The following ABCA12 variants were observed in gnomAD, a reference collection of about 807,000 sequenced individuals.
ABCA12 encodes the protein glucosylceramide transporter ABCA12.
A neutral mutation model predicts 293.5 loss-of-function variants in ABCA12; 156 were observed. That is an observed-to-expected ratio of 0.53 (90% CI 0.47 to 0.61). ABCA12 has a LOEUF of 0.61. Among genes scored for constraint, ABCA12 ranks in the 20% least tolerant of loss-of-function variants. The pLI is 0.00. For synonymous variants in ABCA12, 1,063 were observed against 1,108.0 expected (o/e 0.96, Z 0.81); for missense variants, 2,797 against 3,090.2 (o/e 0.91, Z 2.25).
intron 32 of ABCA12, 40 bp from the exon 33 acceptor site, chr2:214,978,506 T>C: frequency 6.2e-7 from 1 of 1,601,284 alleles, no homozygotes; most frequent in Non-Finnish European, 8.5e-7. Context: ...ACATGAAAAG[T>C]GCATGTCTTT....
chr2:214,980,388 T>C, intron 31 of ABCA12, 95 bp downstream of exon 31: 1 of 1,517,394 alleles, frequency 6.6e-7, no homozygotes. Flanking sequence ...ACTAATGAAT[T>C]TTAGCAATGA....
In ABCA12 at chr2:214,958,377, G is replaced by A; in HGVS notation, c.6017C>T (p.Thr2006Ile). The A allele has an allele frequency of 1.9e-6, 3 of 1,614,020 alleles. No individual in the cohort carries two copies. ...GYSVTTASFVTYVVREHQTKA... is the reference protein window; with the variant it reads ...GYSVTTASFVIYVVREHQTKA... Reference sequence around the variant, plus strand: ...GGTTTGATGTTCCCTTACAACATAGGTGACAAAGCTGGCGGTGGTGACAGA... The same window carrying A: ...GGTTTGATGTTCCCTTACAACATAGATGACAAAGCTGGCGGTGGTGACAGA... Residue 2006 changes from threonine (T) to isoleucine (I), a missense_variant, in exon 41 of 53, where the codon ACC becomes ATC. Around this residue, in one of 3 missense-constraint regions of ABCA12, gnomAD observed 2,130 missense variants for 2,427.0 expected, o/e 0.88. Coordinates refer to ENST00000272895, the MANE Select transcript of ABCA12 (RefSeq NM_173076.3).
rs1333435168 is a variant in ABCA12, at chr2:214,956,676, G to T, written c.6220C>A (p.Leu2074Ile). The T allele has an allele frequency of 2.5e-6, 4 of 1,612,388 alleles. No individual in the cohort carries two copies. Among genetic ancestry groups the T allele is most frequent in the Non-Finnish European group, 3.4e-6 (4 of 1,178,612 alleles). ...TCAGCAGCTTACCCAAACAGGAGAA[G>T]TAGGAGAGATACAGCGCCTAGGTTG... Reference protein sequence around the residue: ...ENNLGAVSLLLLLFGYATFSW... With the variant: ...ENNLGAVSLLILLFGYATFSW... Residue 2074 changes from leucine to isoleucine, a missense_variant, in exon 42 of 53, where the codon CTT (leucine) becomes ATT (isoleucine). Transcript: ENST00000272895.
At chr2:215,078,805 C>A (rs117517514) in intron 2 of ABCA12, among the ~76,000 whole-genome samples, 2,202 of 152,252 alleles carry the variant, frequency 0.014, 24 homozygotes, top group Middle Eastern at 0.044. Context: ...TATTTTGGGC[C>A]ATTATACCTA....
intron 2 of ABCA12, among the ~76,000 whole-genome samples, chr2:215,091,528 C>A (rs1156285378): frequency 6.6e-6 from 1 of 152,116 alleles, no homozygotes; most frequent in Non-Finnish European, 1.5e-5. Flanking sequence ...TTGGCAACAA[C>A]CCTTAGACGC....
chr2:215,098,896 A>G (rs1433389077), intron 2 of ABCA12, among the ~76,000 whole-genome samples: 1 of 152,218 alleles, frequency 6.6e-6, no homozygotes, highest in Non-Finnish European at 1.5e-5. Context: ...AGATAAGGAC[A>G]CCGCGATGAT....
At chr2:215,134,650 G>A (rs948695823) in intron 1 of ABCA12, among the ~76,000 whole-genome samples, 1 of 98,384 alleles carries the variant, frequency 1.0e-5, no homozygotes, top group African/African-American at 4.9e-5. Flanking sequence ...GACAAACAGA[G>A]AGAGAGAGAG....
intron 2 of ABCA12, among the ~76,000 whole-genome samples, chr2:215,084,921 C>A (rs1386458076): frequency 7.3e-5 from 11 of 151,724 alleles, no homozygotes; most frequent in Admixed American, 7.2e-4. Flanking sequence ...TGGTGAAACC[C>A]CGTCTCTACT....
intron 51 of ABCA12, among the ~76,000 whole-genome samples, chr2:214,936,082 T>A (rs1430817687): frequency 6.6e-6 from 1 of 152,184 alleles, no homozygotes; most frequent in East Asian, 1.9e-4. Flanking sequence ...CTATGGTTTG[T>A]TACCTGTGAT....
intron 1 of ABCA12, 145 bp downstream of exon 1, chr2:215,137,994 TA>T (rs1703267935): frequency 5.8e-6 from 5 of 857,842 alleles, no homozygotes; most frequent in Admixed American, 3.4e-5. Flanking sequence ...ATAAGACAGA[TA>T]GGGGGATGAA....
intron 1 of ABCA12, among the ~76,000 whole-genome samples, chr2:215,119,734 T>TGA (rs1553548184): frequency 5.3e-5 from 4 of 75,590 alleles, no homozygotes; most frequent in African/African-American, 1.5e-4. Flanking sequence ...CATTAAAAAG[T>TGA]AAAAAAAAAA....
chr2:214,979,118 G>A, intron 31 of ABCA12, 78 bp from the exon 32 acceptor site: 1 of 1,326,818 alleles, frequency 7.5e-7, no homozygotes, highest in Non-Finnish European at 1.1e-6. Context: ...AGAGGGTGAG[G>A]TGATGAGCTC....
intron 2 of ABCA12, among the ~76,000 whole-genome samples, chr2:215,084,983 A>G (rs1264888666): frequency 6.6e-6 from 1 of 151,376 alleles, no homozygotes; most frequent in Non-Finnish European, 1.5e-5. Flanking sequence ...AGTCCTAGCT[A>G]CTTGGGAGGC....
At chr2:214,950,386 G>C (rs750106031) in intron 45 of ABCA12, among the ~76,000 whole-genome samples, 2,942 of 36,610 alleles carry the variant, frequency 0.08, 48 homozygotes, top group African/African-American at 0.21. Context: ...ATATATATCT[G>C]TGTGTGTGTG....
intron 2 of ABCA12, among the ~76,000 whole-genome samples, chr2:215,086,852 C>T (rs1253501596): frequency 2.6e-5 from 4 of 152,104 alleles, no homozygotes; most frequent in African/African-American, 7.2e-5. Flanking sequence ...TCACTGTAAA[C>T]ACACCAACTG....
At chr2:214,935,991 C>T (rs1226958421) in intron 51 of ABCA12, among the ~76,000 whole-genome samples, 2 of 152,104 alleles carry the variant, frequency 1.3e-5, no homozygotes, top group Non-Finnish European at 2.9e-5. Context: ...TCTTTGTGGA[C>T]ACCTTATCAT....
intron 23 of ABCA12, among the ~76,000 whole-genome samples, chr2:214,995,252 G>A (rs1256232941): frequency 6.6e-6 from 1 of 152,126 alleles, no homozygotes; most frequent in African/African-American, 2.4e-5. Context: ...AATAATTACA[G>A]AACGAAAAGG....
chr2:214,999,882 G>T (rs949621269), intron 22 of ABCA12: 3 of 960,360 alleles, frequency 3.1e-6, no homozygotes, highest in Non-Finnish European at 3.7e-6. Context: ...TTGAAAGAAA[G>T]AAAAAAGAAG....
In ABCA12 at chr2:215,012,954, A is replaced by C. The variant is rs1406119428; in HGVS notation, c.1957-819T>G. 2.0e-5 allele frequency: 3 copies of C among 152,372 alleles called. No individual in the cohort carries two copies. In the South Asian group the frequency reaches 6.2e-4, roughly 32 times the overall value. The allele number at this position is 152,372 out of a possible 1,614,324, so 9.4% of individuals were successfully genotyped here. A position where few individuals can be genotyped will look rare whatever the true frequency, so the allele number is the denominator to read the frequency against. On this transcript the variant is annotated intron_variant, in intron 15 of 52. Transcript: ENST00000272895. The stretch of plus-strand genomic sequence containing the variant: ...AAGGCTTACATGATTTATCAGGCTA[A>C]GTCATTTTAATCCCATAATGCTTAT...
Sources: gnomAD v4.1 joint callset for allele counts (sites outside exome capture counted in the v4.1 genomes callset) on GRCh38, gnomAD v4.1.1 for gene constraint, gnomAD v4.1.1 regional missense constraint, MANE v1.5 for transcripts, NCBI Gene and HGNC (gene_info 2026-07-23, HGNC 2026-07-21) for gene names.